LUZP2: variants seen among roughly 807,000 people sequenced by gnomAD.
LUZP2 encodes the protein leucine zipper protein 2.
In LUZP2, 52 loss-of-function variants were observed where a neutral mutation model predicts 51.6. The ratio of observed to expected loss-of-function variants is 1.01; its 90% CI spans 0.81 to 1.27. LUZP2 has a LOEUF of 1.27. LUZP2 is among the 50% of genes most tolerant of loss of function. LUZP2 has a pLI of 0.00. For missense variants in LUZP2, 436 were observed against 395.4 expected (o/e 1.10, Z -0.87); for synonymous variants, 154 against 137.3 (o/e 1.12, Z -0.85).
chr11:24,585,504 T>A (rs892363079), intron 1 of LUZP2, among the ~76,000 whole-genome samples: 1 of 152,184 alleles, frequency 6.6e-6, no homozygotes, highest in African/African-American at 2.4e-5. Flanking sequence ...TAGCTTTTTT[T>A]TATTTACTCT....
At chr11:24,905,546 AAAG>A (rs1247240081) in intron 5 of LUZP2, among the ~76,000 whole-genome samples, 1 of 152,110 alleles carries the variant, frequency 6.6e-6, no homozygotes, top group Non-Finnish European at 1.5e-5. Context: ...AAATAAAAAA[AAAG>A]AAATATCAGA....
chr11:24,629,910 C>T (rs988039997), intron 1 of LUZP2, among the ~76,000 whole-genome samples: 2 of 151,838 alleles, frequency 1.3e-5, no homozygotes, highest in African/African-American at 2.4e-5. Flanking sequence ...GATAAAGTAC[C>T]ACTGTGATTT....
At chr11:24,548,898 G>T (rs1220505788) in intron 1 of LUZP2, among the ~76,000 whole-genome samples, 7 of 151,800 alleles carry the variant, frequency 4.6e-5, no homozygotes, top group Admixed American at 4.6e-4. Context: ...TTAATTTATT[G>T]TATATGTTTC....
intron 1 of LUZP2, among the ~76,000 whole-genome samples, chr11:24,655,434 G>A (rs1310962845): frequency 2.0e-5 from 3 of 151,774 alleles, no homozygotes; most frequent in Non-Finnish European, 4.4e-5. Flanking sequence ...GGATCATTTC[G>A]GAAATAAACT....
intron 1 of LUZP2, among the ~76,000 whole-genome samples, chr11:24,608,603 C>T (rs1314503755): frequency 1.3e-5 from 2 of 152,014 alleles, no homozygotes. Flanking sequence ...ACTGCTTCTC[C>T]AAGGAAGAGT....
At chr11:24,685,000 G>A (rs1856854037) in intron 1 of LUZP2, among the ~76,000 whole-genome samples, 1 of 150,956 alleles carries the variant, frequency 6.6e-6, no homozygotes, top group African/African-American at 2.4e-5. Context: ...TTCTCTTAAA[G>A]TGTCACCACT....
At chr11:24,936,451 G>T (rs1004662862) in intron 7 of LUZP2, among the ~76,000 whole-genome samples, 3 of 152,156 alleles carry the variant, frequency 2.0e-5, no homozygotes, top group Non-Finnish European at 2.9e-5. Context: ...TGCAATTTCA[G>T]TCTCTTACTC....
chr11:25,055,431 A>G (rs748406863), intron 10 of LUZP2, among the ~76,000 whole-genome samples: 11 of 152,106 alleles, frequency 7.2e-5, no homozygotes, highest in Non-Finnish European at 1.5e-4. Flanking sequence ...TTGCAAATGT[A>G]GTATTTTAAT....
chr11:24,584,113 C>T (rs1468121416), intron 1 of LUZP2, among the ~76,000 whole-genome samples: 1 of 152,050 alleles, frequency 6.6e-6, no homozygotes, highest in Non-Finnish European at 1.5e-5. Flanking sequence ...TAGACACTAA[C>T]AATTAAAGAT....
At chr11:25,035,600 G>C (rs1400872001) in intron 9 of LUZP2, among the ~76,000 whole-genome samples, 1 of 151,974 alleles carries the variant, frequency 6.6e-6, no homozygotes, top group Non-Finnish European at 1.5e-5. Context: ...ATCAAAAATT[G>C]ACCATTATGC....
At chr11:24,725,014 G>A (rs1030711897) in intron 1 of LUZP2, among the ~76,000 whole-genome samples, 4 of 152,162 alleles carry the variant, frequency 2.6e-5, no homozygotes, top group African/African-American at 9.7e-5. Flanking sequence ...ATGGTAAGGT[G>A]TGTGATTGTT....
At chr11:24,803,642 C>T (rs181623697) in intron 5 of LUZP2, among the ~76,000 whole-genome samples, 138 of 152,150 alleles carry the variant, frequency 9.1e-4, no homozygotes, top group African/African-American at 3.1e-3. Context: ...GAATATTATT[C>T]AGCCTTAAAA....
At chr11:24,580,620 G>A (rs1311460416) in intron 1 of LUZP2, among the ~76,000 whole-genome samples, 1 of 151,880 alleles carries the variant, frequency 6.6e-6, no homozygotes, top group Non-Finnish European at 1.5e-5. Context: ...AAATTAAAAT[G>A]AGCTCAGTAA....
chr11:24,883,111 A>G (rs1428986370), intron 5 of LUZP2, among the ~76,000 whole-genome samples: 1 of 152,108 alleles, frequency 6.6e-6, no homozygotes, highest in Non-Finnish European at 1.5e-5. Context: ...TGATAAGACA[A>G]CAAAGACAAG....
intron 1 of LUZP2, among the ~76,000 whole-genome samples, chr11:24,674,972 ATGT>A (rs1856499886): frequency 6.6e-6 from 1 of 152,164 alleles, no homozygotes; most frequent in African/African-American, 2.4e-5. Flanking sequence ...TTACCTAGAA[ATGT>A]TGTTTGTGTA....
In LUZP2 at chr11:24,665,640, T is replaced by A. The variant is rs182431061; in HGVS notation, c.63-63529T>A. Among the ~76,000 whole-genome samples the A allele has an allele frequency of 3.9e-4, 59 of 152,196 alleles. 1 individual carries two copies. The highest frequency in any genetic ancestry group is 1.3e-3 in the African/African-American group (54 of 41,544). ...ATGCTATTCTCATGCTAGTAAAAAA[T>A]TTGTCATGCGCTCGGATGGTTTTAC... On this transcript the variant is annotated intron_variant, in intron 1 of 11. Transcript: ENST00000336930.
chr11:25,057,209 C>T (rs958185062), intron 10 of LUZP2, among the ~76,000 whole-genome samples: 2 of 152,098 alleles, frequency 1.3e-5, no homozygotes, highest in African/African-American at 4.8e-5. Context: ...TTTTAATACT[C>T]AAAGTCTCAA....
intron 5 of LUZP2, among the ~76,000 whole-genome samples, chr11:24,838,136 G>A (rs1850913108): frequency 6.6e-6 from 1 of 151,510 alleles, no homozygotes; most frequent in South Asian, 2.1e-4. Flanking sequence ...TCACATTGCT[G>A]ATATGTAGTA....
At chr11:24,568,379 A>C (rs901074386) in intron 1 of LUZP2, among the ~76,000 whole-genome samples, 1 of 151,134 alleles carries the variant, frequency 6.6e-6, no homozygotes, top group African/African-American at 2.4e-5. Flanking sequence ...AAAAAGGACT[A>C]GATTATTATA....
Sources: allele counts gnomAD v4.1 joint callset (sites outside exome capture counted in the v4.1 genomes callset), GRCh38; gene constraint gnomAD v4.1.1; transcripts MANE v1.5; gene names NCBI Gene and HGNC (gene_info 2026-07-23, HGNC 2026-07-21).